The following KAZN variants were observed in gnomAD, a reference collection of about 807,000 sequenced individuals.
KAZN encodes kazrin, periplakin interacting protein, also known as kazrin.
A neutral mutation model predicts 87.4 loss-of-function variants in KAZN; 40 were observed. The observed-to-expected ratio is 0.46, with a 90% CI of 0.36 to 0.60. The LOEUF (loss-of-function observed/expected upper bound fraction) is 0.60, where lower values mean the gene tolerates loss of function less well. Ranked by LOEUF, KAZN falls within the 20% of genes least tolerant of loss-of-function variation. The probability of loss-of-function intolerance (pLI) is 0.00; values close to 1 mark genes in which losing one functional copy is unlikely to be tolerated. For missense variants in KAZN, 898 were observed against 1,073.9 expected, an observed-to-expected ratio of 0.84 and a Z score of 2.29; for synonymous variants, 466 against 458.3, an observed-to-expected ratio of 1.02 and a Z score of -0.22.
intron 1 of KAZN, among the ~76,000 whole-genome samples, chr1:14,827,306 G>A (rs1400626190): frequency 2.0e-5 from 3 of 152,124 alleles, no homozygotes; most frequent in African/African-American, 4.8e-5. Flanking sequence ...GCATTTGGTT[G>A]CATGAGTACG....
At chr1:13,958,738 A>G (rs1399861851) in intron 1 of KAZN, among the ~76,000 whole-genome samples, 2 of 152,084 alleles carry the variant, frequency 1.3e-5, no homozygotes, top group Non-Finnish European at 2.9e-5. Flanking sequence ...GTGGGCAGAT[A>G]GATACATCTA....
rs553885829 is a variant in KAZN, at chr1:13,946,832, T to C, written c.91+53076T>C. Among the ~76,000 whole-genome samples the C allele has an allele frequency of 1.2e-4, 19 of 152,332 alleles. No homozygotes were observed. The South Asian group carries it at 1.4e-3, about 12-fold the overall frequency. On this transcript the variant is annotated intron_variant, in intron 1 of 16. Coordinates refer to the KAZN transcript ENST00000636203. ...TGCCTCATATTTTAATATTAGGTAGTGTATTTTCATGTGTGTGGCTGCTGT... is the reference window on the plus strand; with the variant it reads ...TGCCTCATATTTTAATATTAGGTAGCGTATTTTCATGTGTGTGGCTGCTGT...
At chr1:14,487,649 C>G (rs977873905) in intron 2 of KAZN, among the ~76,000 whole-genome samples, 1 of 152,206 alleles carries the variant, frequency 6.6e-6, no homozygotes, top group Non-Finnish European at 1.5e-5. Context: ...GAGTTAAGTT[C>G]TCTCTGTGTG....
chr1:14,766,011 T>A (rs1379308062), intron 1 of KAZN, among the ~76,000 whole-genome samples: 1 of 152,150 alleles, frequency 6.6e-6, no homozygotes, highest in Non-Finnish European at 1.5e-5. Flanking sequence ...AAAGCCAACC[T>A]TGAGATGATG....
At chr1:14,579,486 G>A (rs544608771) in intron 2 of KAZN, among the ~76,000 whole-genome samples, 34 of 152,014 alleles carry the variant, frequency 2.2e-4, no homozygotes, top group Admixed American at 4.6e-4. Flanking sequence ...GCAGCTGGGC[G>A]TGGTGGCGGG....
rs537186573 is a variant in KAZN at position 14,954,772 on chromosome 1, C to T, written c.227-5912C>T. 1.2e-4 allele frequency among the ~76,000 whole-genome samples: 18 copies of T among 152,250 alleles called. No individual in the cohort carries two copies. In the South Asian group the frequency reaches 2.1e-3, roughly 18 times the overall value. ...GAGATTGAGACCATCCTGGCTAACACGGTGAAACTCCATCTCTACTAAAAA... is the reference window on the plus strand; with the variant it reads ...GAGATTGAGACCATCCTGGCTAACATGGTGAAACTCCATCTCTACTAAAAA... On this transcript the variant is annotated intron_variant, in intron 1 of 14. Transcript: ENST00000376030.
chr1:15,090,052 C>T (rs1489619274), intron 8 of KAZN, among the ~76,000 whole-genome samples: 1 of 152,360 alleles, frequency 6.6e-6, no homozygotes, highest in Non-Finnish European at 1.5e-5. Flanking sequence ...GTATCTGCAA[C>T]TTTCACACCC....
chr1:14,392,119 G>A (rs76832792), intron 2 of KAZN, among the ~76,000 whole-genome samples: 4,719 of 152,262 alleles, frequency 0.031, 143 homozygotes, highest in South Asian at 0.11. Flanking sequence ...AGATGTGAAA[G>A]CCAAAGGTGA....
At chr1:14,852,052 A>C (rs915625625) in intron 1 of KAZN, among the ~76,000 whole-genome samples, 5 of 152,128 alleles carry the variant, frequency 3.3e-5, no homozygotes, top group Admixed American at 6.5e-5. Flanking sequence ...GTTCTAGGCA[A>C]TTTGTTTCTC....
In KAZN at chr1:14,393,741, G is replaced by T. The variant is rs546472654; in HGVS notation, c.250-205242G>T. 2.1e-3 allele frequency among the ~76,000 whole-genome samples: 314 copies of T among 151,706 alleles called. 1 individual carries two copies. The highest frequency in any genetic ancestry group is 4.1e-3 in the Non-Finnish European group (276 of 67,912). On this transcript the variant is annotated intron_variant, in intron 2 of 16. Transcript: ENST00000636203. ...ATTGCTATTTCTAAAAGTCATGGAGGGAGGCTGAAGTGGGAGGATCACTTG... is the reference window on the plus strand; with the variant it reads ...ATTGCTATTTCTAAAAGTCATGGAGTGAGGCTGAAGTGGGAGGATCACTTG...
intron 1 of KAZN, among the ~76,000 whole-genome samples, chr1:14,802,124 G>A (rs182705646): frequency 2.0e-3 from 304 of 152,192 alleles, no homozygotes; most frequent in African/African-American, 6.6e-3. Flanking sequence ...TTGGGACAAT[G>A]GCCGGGCATG....
At chr1:14,952,240 CTGTGTGTGTGTG>C (rs56104480) in intron 1 of KAZN, among the ~76,000 whole-genome samples, 12 of 144,008 alleles carry the variant, frequency 8.3e-5, no homozygotes, top group South Asian at 4.6e-4. Context: ...TTCTTTCCCA[CTGTGTGTGTGTG>C]TGTGTGTGTG....
At chr1:14,874,364 TTAAG>T (rs1247881106) in intron 1 of KAZN, among the ~76,000 whole-genome samples, 94 of 152,224 alleles carry the variant, frequency 6.2e-4, no homozygotes, top group African/African-American at 2.2e-3. Flanking sequence ...TGCTGACAGA[TTAAG>T]TAAGAGGGGC....
intron 8 of KAZN, among the ~76,000 whole-genome samples, chr1:15,080,165 A>G (rs2175775): frequency 0.32 from 48,871 of 152,088 alleles, 9,690 homozygotes; most frequent in East Asian, 0.9. Context: ...GTGGCTGGTC[A>G]TGGGAAAAAG....
chr1:14,136,098 A>C (rs1056657896), intron 1 of KAZN, among the ~76,000 whole-genome samples: 2 of 151,962 alleles, frequency 1.3e-5, no homozygotes, highest in African/African-American at 2.4e-5. Flanking sequence ...TTTGTGGAAA[A>C]CCCATCAAGG....
chr1:14,794,040 A>G (rs1374342901), intron 1 of KAZN, among the ~76,000 whole-genome samples: 1 of 152,212 alleles, frequency 6.6e-6, no homozygotes, highest in African/African-American at 2.4e-5. Context: ...GAGCAGTTAC[A>G]TAAGCAGCGT....
intron 1 of KAZN, among the ~76,000 whole-genome samples, chr1:14,780,061 A>G (rs1390258311): frequency 6.6e-6 from 1 of 152,214 alleles, no homozygotes; most frequent in Non-Finnish European, 1.5e-5. Flanking sequence ...ATGTCTTGAT[A>G]TGATCCCAGG....
chr1:14,706,924 G>A (rs1314344869), intron 1 of KAZN, among the ~76,000 whole-genome samples: 5 of 152,156 alleles, frequency 3.3e-5, no homozygotes, highest in African/African-American at 9.7e-5. Flanking sequence ...TGTGTAATTT[G>A]GGCTGAATCG....
At chr1:14,226,117 A>G (rs1056747661) in intron 2 of KAZN, among the ~76,000 whole-genome samples, 2 of 152,196 alleles carry the variant, frequency 1.3e-5, no homozygotes, top group African/African-American at 2.4e-5. Context: ...GAGTAAACAG[A>G]CAACCTACAG....
Sources: allele counts gnomAD v4.1 joint callset (sites outside exome capture counted in the v4.1 genomes callset), GRCh38; gene constraint gnomAD v4.1.1; transcripts MANE v1.5; gene names NCBI Gene and HGNC (gene_info 2026-07-23, HGNC 2026-07-21).